PDE7B: variants seen among roughly 807,000 people sequenced by gnomAD.
PDE7B encodes 3',5'-cyclic-AMP phosphodiesterase 7B.
In PDE7B, 29 loss-of-function variants were observed where a neutral mutation model predicts 56.2. That is an observed-to-expected ratio of 0.52 (90% CI 0.38 to 0.70). PDE7B has a LOEUF of 0.70. Among genes scored for constraint, PDE7B ranks in the 30% least tolerant of loss-of-function variants. The pLI, the probability that PDE7B is intolerant of heterozygous loss-of-function variation, is 0.00. For synonymous variants in PDE7B, 197 were observed against 196.9 expected (o/e 1.00, Z 0.00); for missense variants, 490 against 565.0 (o/e 0.87, Z 1.35).
chr6:136,060,666 A>G (rs560237328), intron 2 of PDE7B, among the ~76,000 whole-genome samples: 1 of 152,320 alleles, frequency 6.6e-6, no homozygotes, highest in South Asian at 2.1e-4. Context: ...TGGGAAATTG[A>G]GGCTCAAGTC....
intron 1 of PDE7B, among the ~76,000 whole-genome samples, chr6:135,934,766 T>A (rs1296115078): frequency 9.2e-5 from 9 of 97,664 alleles, no homozygotes; most frequent in Non-Finnish European, 1.4e-4. Context: ...TTTTTAAATA[T>A]ATATATATAT....
At chr6:135,965,941 C>T (rs1774990021) in intron 2 of PDE7B, among the ~76,000 whole-genome samples, 1 of 152,058 alleles carries the variant, frequency 6.6e-6, no homozygotes. Flanking sequence ...TTTTAAAATA[C>T]TGGATATCTT....
At chr6:136,103,275 T>G (rs1467600646) in intron 2 of PDE7B, among the ~76,000 whole-genome samples, 1 of 152,118 alleles carries the variant, frequency 6.6e-6, no homozygotes, top group Non-Finnish European at 1.5e-5. Flanking sequence ...CCATCTTGGC[T>G]CCCTCCTGTA....
At chr6:136,179,881 A>G (rs1216841543) in intron 10 of PDE7B, among the ~76,000 whole-genome samples, 2 of 152,220 alleles carry the variant, frequency 1.3e-5, no homozygotes, top group Non-Finnish European at 2.9e-5. Context: ...GATCAAGTCC[A>G]TTCCTTTCTG....
At position 135,946,673 on chromosome 6, in the gene PDE7B, T is replaced by G. The variant is rs1774600983; in HGVS notation, c.22-791T>G. 2.0e-5 allele frequency among the ~76,000 whole-genome samples: 3 copies of G among 152,170 alleles called. No individual in the cohort carries two copies. The South Asian group carries it at 6.2e-4, about 31-fold the overall frequency. ...CACAGCTACGGTTAAATATGTTTTC[T>G]ATGTTTATTGACCATTCAGATTTTT... On this transcript the variant is annotated intron_variant, in intron 1 of 12. Transcript: ENST00000308191.
chr6:135,920,997 A>G (rs980608189), intron 1 of PDE7B, among the ~76,000 whole-genome samples: 2 of 152,190 alleles, frequency 1.3e-5, no homozygotes, highest in Non-Finnish European at 2.9e-5. Context: ...AAAGTTCCTT[A>G]TAAATTTTCA....
intron 2 of PDE7B, among the ~76,000 whole-genome samples, chr6:136,077,217 A>C (rs1425268215): frequency 6.6e-6 from 1 of 152,206 alleles, no homozygotes; most frequent in East Asian, 1.9e-4. Context: ...CTATAAGCAG[A>C]ATAGTCCTGA....
chr6:135,939,169 T>A (rs1176843506), intron 1 of PDE7B, among the ~76,000 whole-genome samples: 3 of 152,216 alleles, frequency 2.0e-5, no homozygotes, highest in Non-Finnish European at 4.4e-5. Flanking sequence ...AATTAGAGGT[T>A]TATAAGGGAT....
intron 2 of PDE7B, among the ~76,000 whole-genome samples, chr6:136,099,052 T>C (rs1405618259): frequency 2.0e-5 from 3 of 152,100 alleles, no homozygotes; most frequent in Non-Finnish European, 2.9e-5. Flanking sequence ...TGTGATATTT[T>C]GCTGAGAATG....
At chr6:135,856,635 G>T in intron 1 of PDE7B, among the ~76,000 whole-genome samples, 2 of 152,180 alleles carry the variant, frequency 1.3e-5, no homozygotes, top group South Asian at 4.2e-4. Context: ...GGGATTCTGC[G>T]TGGCTCAGAG....
chr6:135,886,259 T>A (rs1342838445), intron 1 of PDE7B, among the ~76,000 whole-genome samples: 1 of 152,084 alleles, frequency 6.6e-6, no homozygotes, highest in Non-Finnish European at 1.5e-5. Flanking sequence ...AGCACCTTTA[T>A]CATGCAGGTG....
chr6:136,190,344 T>C (rs1779204075), intron 12 of PDE7B, among the ~76,000 whole-genome samples: 1 of 152,186 alleles, frequency 6.6e-6, no homozygotes, highest in Admixed American at 6.5e-5. Context: ...ATATTTCACA[T>C]AAGATGAGAC....
intron 2 of PDE7B, among the ~76,000 whole-genome samples, chr6:136,028,169 C>T (rs6916194): frequency 0.46 from 69,202 of 151,824 alleles, 16,064 homozygotes; most frequent in Admixed American, 0.55. Context: ...AGCACTGAGA[C>T]GTTAAGTTAA....
chr6:136,147,422 C>T lies in PDE7B; in HGVS notation c.238C>T (p.His80Tyr), dbSNP rs1229983923. ...KRLLSFQRYF[H>Y]ASRLLRGIIP... Reference sequence around the variant, plus strand: ...ACTATTAAGCTTTCAAAGATACTTCCATGCATCAAGGCTGCTTCGTGGAAT... The same window carrying T: ...ACTATTAAGCTTTCAAAGATACTTCTATGCATCAAGGCTGCTTCGTGGAAT... Residue 80 changes from histidine (H) to tyrosine (Y), a missense_variant, in exon 4 of 13, where the codon CAT becomes TAT. By Grantham distance (83) the His-to-Tyr change is moderately conservative (BLOSUM62 2). Transcript: ENST00000308191. The T allele has an allele frequency of 6.2e-7, 1 of 1,612,664 alleles. No homozygotes were observed.
intron 3 of PDE7B, among the ~76,000 whole-genome samples, chr6:136,134,130 G>A (rs1778168844): frequency 6.6e-6 from 1 of 152,100 alleles, no homozygotes; most frequent in African/African-American, 2.4e-5. Flanking sequence ...TGGTAGGTGA[G>A]ATAGATTGAA....
At chr6:135,943,204 C>T (rs1774536709) in intron 1 of PDE7B, among the ~76,000 whole-genome samples, 1 of 152,112 alleles carries the variant, frequency 6.6e-6, no homozygotes, top group South Asian at 2.1e-4. Context: ...TAAATCAGTA[C>T]ATTCTTGTGC....
At chr6:135,915,253 G>A (rs760861866) in intron 1 of PDE7B, among the ~76,000 whole-genome samples, 2 of 152,204 alleles carry the variant, frequency 1.3e-5, no homozygotes, top group Admixed American at 6.5e-5. Context: ...AAAACAGCAC[G>A]TAGGTCTTCG....
At position 135,879,727 on chromosome 6, in the gene PDE7B, T is replaced by C. The variant is rs1009427136; in HGVS notation, c.21+27708T>C. ...TATGAATGAAACAGCCTAAGAATGA[T>C]ATGAAGACCAGACAAAACAATGTGG... On this transcript the variant is annotated intron_variant, in intron 1 of 12. Transcript: ENST00000308191. Among the ~76,000 whole-genome samples the C allele has an allele frequency of 2.0e-4, 30 of 152,270 alleles. 1 individual carries two copies. Among genetic ancestry groups the C allele is most frequent in the Admixed American group, 1.8e-3 (27 of 15,286 alleles).
intron 2 of PDE7B, among the ~76,000 whole-genome samples, chr6:135,992,694 T>C (rs983309131): frequency 1.3e-5 from 2 of 152,164 alleles, no homozygotes; most frequent in Non-Finnish European, 2.9e-5. Flanking sequence ...TGAAGGAAAA[T>C]GTGACTCAAA....
Sources: allele counts gnomAD v4.1 joint callset (sites outside exome capture counted in the v4.1 genomes callset), GRCh38; gene constraint gnomAD v4.1.1; transcripts MANE v1.5; gene names NCBI Gene and HGNC (gene_info 2026-07-23, HGNC 2026-07-21).